The following CNTN5 variants were observed in gnomAD, a reference collection of about 807,000 sequenced individuals.
The protein encoded by CNTN5 is contactin 5.
Under a neutral mutation model 129.1 loss-of-function variants are expected in CNTN5, and 77 were observed. The observed-to-expected ratio is 0.60, with a 90% CI of 0.50 to 0.72. The LOEUF is 0.72. Among genes scored for constraint, CNTN5 ranks in the 30% least tolerant of loss-of-function variants. The pLI, the probability that CNTN5 is intolerant of heterozygous loss-of-function variation, is 0.00. For synonymous variants in CNTN5, 509 were observed against 465.6 expected (o/e 1.09, Z -1.20); for missense variants, 1,478 against 1,328.8 (o/e 1.11, Z -1.75).
At chr11:99,968,658 T>C (rs11222091) in intron 8 of CNTN5, among the ~76,000 whole-genome samples, 3,679 of 11,100 alleles carry the variant, frequency 0.33, 135 homozygotes, top group African/African-American at 0.44. Flanking sequence ...TTTGGGTACT[T>C]TTTTTTTTTT....
chr11:99,272,619 G>A lies in CNTN5; in HGVS notation c.-209-52727G>A, dbSNP rs183523610. ...TAATTATTTTCTTTTCTCACATTTAGATATATCCTGTTACATAACATGGGA... is the reference window on the plus strand; with the variant it reads ...TAATTATTTTCTTTTCTCACATTTAAATATATCCTGTTACATAACATGGGA... On this transcript the variant is annotated intron_variant, in intron 1 of 24. Coordinates refer to ENST00000524871, the MANE Select transcript of CNTN5 (RefSeq NM_014361.4). Among the ~76,000 whole-genome samples, 632 of 151,564 alleles carry A rather than the reference G, an allele frequency of 4.2e-3. 16 individuals carry two copies. The highest frequency in any genetic ancestry group is 0.03 in the Admixed American group (449 of 15,174).
intron 3 of CNTN5, among the ~76,000 whole-genome samples, chr11:99,805,675 A>G (rs907291422): frequency 6.6e-6 from 1 of 152,186 alleles, no homozygotes; most frequent in African/African-American, 2.4e-5. Context: ...GAAAGAATGA[A>G]TTAGGGTTCT....
intron 6 of CNTN5, among the ~76,000 whole-genome samples, chr11:99,896,499 C>T (rs1232919078): frequency 3.3e-5 from 5 of 152,138 alleles, no homozygotes; most frequent in African/African-American, 1.2e-4. Context: ...ATGTACCCCA[C>T]AACTTCCCAC....
At chr11:99,366,679 C>T (rs1305622915) in intron 2 of CNTN5, among the ~76,000 whole-genome samples, 5 of 152,102 alleles carry the variant, frequency 3.3e-5, no homozygotes, top group African/African-American at 1.2e-4. Flanking sequence ...GCTTCTGTGA[C>T]GTCGCCACAG....
chr11:100,027,522 C>A (rs1051790215), intron 9 of CNTN5, among the ~76,000 whole-genome samples: 3 of 152,114 alleles, frequency 2.0e-5, no homozygotes, highest in African/African-American at 4.8e-5. Flanking sequence ...GAGCACTGGT[C>A]CTTCTAATCC....
intron 6 of CNTN5, among the ~76,000 whole-genome samples, chr11:99,854,571 A>G (rs1025952558): frequency 1.3e-5 from 2 of 152,216 alleles, no homozygotes; most frequent in African/African-American, 4.8e-5. Flanking sequence ...AATGACATCA[A>G]GATTCTGAGC....
intron 10 of CNTN5, among the ~76,000 whole-genome samples, chr11:100,062,549 G>A (rs149572948): frequency 7.2e-5 from 11 of 152,282 alleles, no homozygotes; most frequent in African/African-American, 2.4e-4. Context: ...CTGGACTAGA[G>A]GAAAAGCAAA....
At chr11:99,772,187 AC>A in intron 3 of CNTN5, among the ~76,000 whole-genome samples, 1 of 151,534 alleles carries the variant, frequency 6.6e-6, no homozygotes, top group East Asian at 1.9e-4. Flanking sequence ...ATGTGCTAAG[AC>A]ACTGTTTTAG....
chr11:99,614,480 C>T (rs1465238847), intron 3 of CNTN5, among the ~76,000 whole-genome samples: 1 of 152,134 alleles, frequency 6.6e-6, no homozygotes, highest in East Asian at 1.9e-4. Flanking sequence ...GTCTCAGTGG[C>T]TTGAGAGATC....
At chr11:99,821,473 A>G (rs1145400) in intron 4 of CNTN5, among the ~76,000 whole-genome samples, 107,988 of 151,972 alleles carry the variant, frequency 0.71, 38,433 homozygotes, top group East Asian at 0.8. Context: ...ATATTAAAAT[A>G]GAATTGTTAT....
chr11:99,160,633 C>A (rs1565366055), intron 1 of CNTN5, among the ~76,000 whole-genome samples: 2 of 152,030 alleles, frequency 1.3e-5, no homozygotes, highest in Non-Finnish European at 2.9e-5. Flanking sequence ...AGTCTGAAAC[C>A]CCAACAGTGC....
At chr11:100,286,377 C>A (rs1444250303) in intron 18 of CNTN5, among the ~76,000 whole-genome samples, 3 of 151,586 alleles carry the variant, frequency 2.0e-5, no homozygotes, top group African/African-American at 7.3e-5. Flanking sequence ...TTGAAGAGAG[C>A]AGTGGTTCTC....
At chr11:99,707,904 GAAT>G (rs1490375578) in intron 3 of CNTN5, among the ~76,000 whole-genome samples, 1 of 151,332 alleles carries the variant, frequency 6.6e-6, no homozygotes, top group Non-Finnish European at 1.5e-5. Flanking sequence ...ATTATTAATA[GAAT>G]AATAACACAC....
chr11:99,917,608 C>T (rs926135270), intron 7 of CNTN5, among the ~76,000 whole-genome samples: 1 of 151,974 alleles, frequency 6.6e-6, no homozygotes, highest in African/African-American at 2.4e-5. Flanking sequence ...CAGGAGTTAA[C>T]AACATAAAGT....
chr11:100,094,783 AGGAAG>A (rs1944938591), intron 13 of CNTN5, among the ~76,000 whole-genome samples: 1 of 146,112 alleles, frequency 6.8e-6, no homozygotes, highest in South Asian at 2.2e-4. Flanking sequence ...GAAGGAAGGA[AGGAAG>A]GAAGGAAGGA....
At chr11:99,869,138 T>G (rs527639987) in intron 6 of CNTN5, among the ~76,000 whole-genome samples, 1 of 152,308 alleles carries the variant, frequency 6.6e-6, no homozygotes, top group South Asian at 2.1e-4. Flanking sequence ...TTCAGATAAC[T>G]TTAAAAGGAT....
intron 3 of CNTN5, among the ~76,000 whole-genome samples, chr11:99,682,115 A>G (rs1425547962): frequency 6.6e-6 from 1 of 152,094 alleles, no homozygotes; most frequent in Non-Finnish European, 1.5e-5. Context: ...TTTATGAATA[A>G]TCTATCATAT....
intron 2 of CNTN5, among the ~76,000 whole-genome samples, chr11:99,427,428 G>A (rs550110451): frequency 3.6e-4 from 55 of 152,152 alleles, no homozygotes; most frequent in Middle Eastern, 3.4e-3. Flanking sequence ...AGAGAAAGCC[G>A]GAAACAGCAA....
At chr11:99,922,647 A>G (rs1393639861) in intron 7 of CNTN5, among the ~76,000 whole-genome samples, 1 of 152,132 alleles carries the variant, frequency 6.6e-6, no homozygotes, top group African/African-American at 2.4e-5. Flanking sequence ...TTCAAATCAT[A>G]ATTAGTTTGT....
Sources: allele counts gnomAD v4.1 joint callset (sites outside exome capture counted in the v4.1 genomes callset), GRCh38; gene constraint gnomAD v4.1.1; transcripts MANE v1.5; gene names NCBI Gene and HGNC (gene_info 2026-07-23, HGNC 2026-07-21).